The following MAP3K21 variants were observed in gnomAD, a reference collection of about 807,000 sequenced individuals.
The protein encoded by MAP3K21 is mitogen-activated protein kinase kinase kinase MLK4.
A neutral mutation model predicts 86.1 loss-of-function variants in MAP3K21; 63 were observed. The ratio of observed to expected loss-of-function variants is 0.73; its 90% CI spans 0.60 to 0.90. The LOEUF (loss-of-function observed/expected upper bound fraction) is 0.90, where lower values mean the gene tolerates loss of function less well. Among genes scored for constraint, MAP3K21 ranks in the 40% least tolerant of loss-of-function variants. The probability of loss-of-function intolerance (pLI) is 0.00; values close to 1 mark genes in which losing one functional copy is unlikely to be tolerated. For synonymous variants in MAP3K21, 558 were observed against 564.8 expected, an observed-to-expected ratio of 0.99 and a Z score of 0.17; for missense variants, 1,220 against 1,367.7, an observed-to-expected ratio of 0.89 and a Z score of 1.70.
intron 1 of MAP3K21, among the ~76,000 whole-genome samples, chr1:233,336,766 T>G (rs1662924295): frequency 6.6e-6 from 1 of 152,184 alleles, no homozygotes; most frequent in Admixed American, 6.5e-5. Context: ...CAAATATAGA[T>G]ATACAGCAAA....
chr1:233,366,339 G>C (rs1302620382), intron 5 of MAP3K21, among the ~76,000 whole-genome samples: 1 of 152,148 alleles, frequency 6.6e-6, no homozygotes, highest in East Asian at 1.9e-4. Context: ...AGCCAGAAGA[G>C]AGGATATTGA....
intron 2 of MAP3K21, among the ~76,000 whole-genome samples, chr1:233,351,096 T>C (rs1663244300): frequency 8.3e-6 from 1 of 120,332 alleles, no homozygotes; most frequent in South Asian, 2.8e-4. Context: ...TTAGTTATTC[T>C]ATGTAAGTTT....
intron 2 of MAP3K21, 148 bp from the exon 3 acceptor site, chr1:233,353,659 C>T (rs950012770): frequency 2.9e-5 from 18 of 612,286 alleles, no homozygotes; most frequent in Non-Finnish European, 3.8e-5. Context: ...CACCTCCCAC[C>T]TTGGGATGTC....
chr1:233,375,054 G>C (rs1572257098), intron 6 of MAP3K21, among the ~76,000 whole-genome samples: 2 of 151,894 alleles, frequency 1.3e-5, no homozygotes, highest in Admixed American at 6.6e-5. Flanking sequence ...CAATTCTCCT[G>C]CCTCAGCCTC....
chr1:233,353,485 T>G lies in MAP3K21; in HGVS notation c.987-322T>G, dbSNP rs182409583. ...GAAAGAGAAACAGAAAACAGCCACATTACTCCTAAAGTGTGACCTGGTTCT... is the reference window on the plus strand; with the variant it reads ...GAAAGAGAAACAGAAAACAGCCACAGTACTCCTAAAGTGTGACCTGGTTCT... On this transcript the variant is annotated intron_variant, in intron 2 of 9. Transcript: ENST00000366624. Among the ~76,000 whole-genome samples, 9 of 152,294 alleles carry G rather than the reference T, an allele frequency of 5.9e-5. No homozygotes were observed. In the East Asian group the frequency reaches 1.5e-3, roughly 26 times the overall value.
chr1:233,342,445 G>A (rs868294788), intron 1 of MAP3K21, among the ~76,000 whole-genome samples: 4 of 152,346 alleles, frequency 2.6e-5, no homozygotes, highest in African/African-American at 9.6e-5. Context: ...ATTTGAATTG[G>A]TGATAAGTAT....
chr1:233,358,473 G>GTTTTT (rs58298146), intron 4 of MAP3K21, among the ~76,000 whole-genome samples: 1,530 of 141,606 alleles, frequency 0.011, 28 homozygotes, highest in East Asian at 0.042. Context: ...ACTCTAATTT[G>GTTTTT]TTTTTTTTTT....
Position 233,379,603 on chromosome 1 carries a change from C to G in MAP3K21, c.2597C>G (p.Pro866Arg). 1 of 1,614,132 alleles carries G rather than the reference C, an allele frequency of 6.2e-7. No homozygotes were observed. The highest frequency in any genetic ancestry group is 1.6e-4 in the Middle Eastern group (1 of 6,062). ...GATTGTAGTGTATCAAGAAACTTGCCGTCTTCCTTCCTACAGCAGACATGT... is the reference window on the plus strand; with the variant it reads ...GATTGTAGTGTATCAAGAAACTTGCGGTCTTCCTTCCTACAGCAGACATGT... ...DTDCSVSRNL[P>R]SSFLQQTCGN... is the part of the protein sequence containing the mutation. Residue 866 changes from proline to arginine, a missense_variant, in exon 9 of 10, where the codon CCG (proline) becomes CGG (arginine). Around this residue, in one of 5 missense-constraint regions of MAP3K21, gnomAD observed 632 missense variants for 691.3 expected, o/e 0.91. Transcript: ENST00000366624.
intron 4 of MAP3K21, among the ~76,000 whole-genome samples, chr1:233,360,140 C>T (rs1183489563): frequency 6.6e-6 from 1 of 152,188 alleles, no homozygotes; most frequent in African/African-American, 2.4e-5. Flanking sequence ...TTGATATCAA[C>T]ATCACTGAAA....
intron 2 of MAP3K21, among the ~76,000 whole-genome samples, chr1:233,353,207 G>A (rs2102753201): frequency 6.6e-6 from 1 of 152,306 alleles, no homozygotes; most frequent in Admixed American, 6.5e-5. Context: ...TGTCCTGCCA[G>A]CAGGTGTAAG....
intron 1 of MAP3K21, among the ~76,000 whole-genome samples, chr1:233,341,871 C>T (rs1167375137): frequency 6.6e-6 from 1 of 151,962 alleles, no homozygotes; most frequent in African/African-American, 2.4e-5. Flanking sequence ...TTTTATAGAA[C>T]TGCAAGCCAT....
intron 1 of MAP3K21, among the ~76,000 whole-genome samples, chr1:233,342,043 T>A (rs73094906): frequency 1.3e-5 from 2 of 152,216 alleles, no homozygotes; most frequent in Non-Finnish European, 2.9e-5. Context: ...TTTCTGTGGT[T>A]TCAGTATGTA....
chr1:233,374,343 T>C (rs546029588), intron 6 of MAP3K21, among the ~76,000 whole-genome samples: 42 of 152,046 alleles, frequency 2.8e-4, no homozygotes, highest in African/African-American at 1.0e-3. Context: ...GCCCGGCTAA[T>C]TTTTGTATTT....
At chr1:233,342,543 C>T (rs1663054490) in intron 1 of MAP3K21, among the ~76,000 whole-genome samples, 2 of 152,206 alleles carry the variant, frequency 1.3e-5, no homozygotes, top group Non-Finnish European at 2.9e-5. Context: ...CTATAAAATA[C>T]ATTTCCTGCG....
rs1305629253 is a variant in MAP3K21, at chr1:233,362,147, A to T, written c.1406A>T (p.Glu469Val). ...LLKRREQQLA[E>V]REIDVLEREL... Reference sequence around the variant, plus strand: ...AAGCGGCGTGAGCAGCAGCTGGCAGAGCGCGAGATCGACGTGCTGGAGCGG... The same window carrying T: ...AAGCGGCGTGAGCAGCAGCTGGCAGTGCGCGAGATCGACGTGCTGGAGCGG... The change falls in exon 5 of 10, where the codon GAG (glutamate) becomes GTG (valine). Residue 469 changes from glutamate to valine, a missense_variant. Coordinates refer to ENST00000366624, the MANE Select transcript of MAP3K21 (RefSeq NM_032435.3). 5 of 1,614,110 alleles carry T rather than the reference A, an allele frequency of 3.1e-6. No individual in the cohort carries two copies. In the African/African-American group the frequency reaches 4.0e-5, roughly 13 times the overall value.
intron 5 of MAP3K21, among the ~76,000 whole-genome samples, chr1:233,364,118 C>T (rs1663521518): frequency 6.6e-6 from 1 of 152,126 alleles, no homozygotes; most frequent in South Asian, 2.1e-4. Flanking sequence ...TGAGAATAGA[C>T]TGTGGATCCT....
chr1:233,363,176 A>G (rs550544648), intron 5 of MAP3K21, among the ~76,000 whole-genome samples: 4 of 151,962 alleles, frequency 2.6e-5, no homozygotes, highest in Non-Finnish European at 5.9e-5. Context: ...ATACCTGCCT[A>G]TGTGTTATAT....
At chr1:233,356,788 G>A (rs1156737718) in intron 4 of MAP3K21, among the ~76,000 whole-genome samples, 1 of 152,168 alleles carries the variant, frequency 6.6e-6, no homozygotes, top group African/African-American at 2.4e-5. Context: ...TTGTGGATAG[G>A]CTCTTGGAAA....
intron 1 of MAP3K21, among the ~76,000 whole-genome samples, chr1:233,341,976 G>T (rs1663046039): frequency 6.6e-6 from 1 of 151,234 alleles, no homozygotes; most frequent in African/African-American, 2.4e-5. Flanking sequence ...TAATGCAGCT[G>T]ATGAAAAAAA....
Sources: gnomAD v4.1 joint callset for allele counts (sites outside exome capture counted in the v4.1 genomes callset) on GRCh38, gnomAD v4.1.1 for gene constraint, gnomAD v4.1.1 regional missense constraint, MANE v1.5 for transcripts, NCBI Gene and HGNC (gene_info 2026-07-23, HGNC 2026-07-21) for gene names.